WDR35: variants seen among roughly 807,000 people sequenced by gnomAD.
The protein encoded by WDR35 is WD repeat domain 35, also known as WD repeat-containing protein 35.
A neutral mutation model predicts 158.3 loss-of-function variants in WDR35; 118 were observed. That is an observed-to-expected ratio of 0.75 (90% CI 0.64 to 0.87). WDR35 has a LOEUF of 0.87. Ranked by LOEUF, WDR35 falls within the 40% of genes least tolerant of loss-of-function variation. WDR35 has a pLI of 0.00. For missense variants in WDR35, 1,263 were observed against 1,405.8 expected (o/e 0.90, Z 1.62); for synonymous variants, 448 against 476.1 (o/e 0.94, Z 0.77).
Position 19,978,786 on chromosome 2 carries a change from T to A in WDR35, c.401A>T (p.Tyr134Phe). 6.2e-7 allele frequency: 1 copy of A among 1,613,892 alleles called. No individual in the cohort carries two copies. The highest frequency in any genetic ancestry group is 2.2e-5 in the East Asian group (1 of 44,834). Residue 134 changes from tyrosine to phenylalanine, a missense_variant, in exon 5 of 27, where the codon TAT (tyrosine) becomes TTT (phenylalanine). Tyr to Phe is a conservative substitution (Grantham distance 22, BLOSUM62 3). Transcript: ENST00000281405. ...ACCAACTATCACAGCCCCATCTTCA[T>A]ATACAATGCAGATCTTCTGTCCGTC... is the stretch of plus-strand genomic sequence containing the variant. ...NADGQKICIV[Y>F]EDGAVIVGSV...
intron 4 of WDR35, 92 bp downstream of exon 4, chr2:19,980,599 G>T (rs1672352534): frequency 1.0e-6 from 1 of 997,156 alleles, no homozygotes; most frequent in Admixed American, 1.8e-5. Context: ...AGTAAAAGGG[G>T]TCTATTTTGG....
chr2:19,927,367 G>A (rs962698496), intron 25 of WDR35, among the ~76,000 whole-genome samples: 13 of 152,140 alleles, frequency 8.5e-5, no homozygotes, highest in African/African-American at 2.7e-4. Context: ...TTGCAGAACA[G>A]GCAGAGGTGC....
In WDR35 at chr2:19,914,175, T is replaced by C. The variant is rs1669923305; in HGVS notation, c.3224A>G (p.Lys1075Arg). The C allele has an allele frequency of 6.2e-7, 1 of 1,614,068 alleles. No individual in the cohort carries two copies. Among genetic ancestry groups the C allele is most frequent in the Non-Finnish European group, 8.5e-7 (1 of 1,180,020 alleles). ...CASRAFGTCS[K>R]AFIKLKSLET... is the part of the protein sequence containing the mutation. ...TAAAGATTTAAGTTTAATGAAAGCT[T>C]TTGAACAAGTCCCAAAGGCTCTGCT... is the stretch of plus-strand genomic sequence containing the variant. The change falls in exon 26 of 27, where the codon AAA (lysine) becomes AGA (arginine). Residue 1075 changes from lysine (K) to arginine (R), a missense_variant. Lys to Arg is a conservative substitution (Grantham distance 26). Coordinates refer to ENST00000281405, the MANE Select transcript of WDR35 (RefSeq NM_020779.4).
At chr2:19,955,726 G>A (rs1671406635) in intron 11 of WDR35, among the ~76,000 whole-genome samples, 1 of 152,130 alleles carries the variant, frequency 6.6e-6, no homozygotes, top group African/African-American at 2.4e-5. Flanking sequence ...TTACTAGGAG[G>A]TACCATTTAT....
At chr2:19,953,031 A>G (rs1335113726) in intron 12 of WDR35, among the ~76,000 whole-genome samples, 1 of 152,098 alleles carries the variant, frequency 6.6e-6, no homozygotes, top group African/African-American at 2.4e-5. Flanking sequence ...TAATGATTTG[A>G]AAAAACACCT....
rs947201612 is a variant in WDR35, at chr2:19,911,601, G to A, written c.*1957C>T. On this transcript the variant is annotated 3_prime_UTR_variant, in exon 27 of 27. Transcript: ENST00000281405. ...TGGTATAGAACAAATGAGAAAGCTG[G>A]AATTCATTGTGTTACATTTAGGTAA... 7 of 152,198 alleles carry A rather than the reference G, an allele frequency of 4.6e-5. No individual in the cohort carries two copies. The highest frequency in any genetic ancestry group is 8.8e-5 in the Non-Finnish European group (6 of 68,046). The allele number at this position is 152,198 out of a possible 1,614,324, so 9.4% of individuals were successfully genotyped here.
In WDR35 at chr2:19,930,443, G is replaced by A; in HGVS notation, c.3074C>T (p.Ala1025Val). 1 of 1,614,102 alleles carries A rather than the reference G, an allele frequency of 6.2e-7. No individual in the cohort carries two copies. Among genetic ancestry groups the A allele is most frequent in the Non-Finnish European group, 8.5e-7 (1 of 1,180,006 alleles). ...ACATCCCTCATAGAGCTGCCTCTGTGCAAGTATAAAGAAGTGGTAAGCCTC... is the reference window on the plus strand; with the variant it reads ...ACATCCCTCATAGAGCTGCCTCTGTACAAGTATAAAGAAGTGGTAAGCCTC... ...GAEAYHFFIL[A>V]QRQLYEGCVD... Residue 1025 changes from alanine (A) to valine (V), a missense_variant, in exon 25 of 27, where the codon GCA becomes GTA. Ala to Val is a moderately conservative substitution (Grantham distance 64, BLOSUM62 0). Coordinates refer to ENST00000281405, the MANE Select transcript of WDR35 (RefSeq NM_020779.4).
intron 16 of WDR35, among the ~76,000 whole-genome samples, chr2:19,944,699 T>A (rs563422652): frequency 6.6e-6 from 1 of 152,258 alleles, no homozygotes; most frequent in Non-Finnish European, 1.5e-5. Flanking sequence ...ACAAAGATCC[T>A]AAGACTTGCA....
At chr2:19,963,539 C>A (rs1246431791) in intron 10 of WDR35, among the ~76,000 whole-genome samples, 1 of 152,140 alleles carries the variant, frequency 6.6e-6, no homozygotes, top group Non-Finnish European at 1.5e-5. Context: ...ACTCACTGGA[C>A]ACACTGCACC....
Position 19,978,766 on chromosome 2 carries a change from C to T in WDR35, c.421G>A (p.Val141Ile), listed in dbSNP as rs552378237. Reference protein sequence around the residue: ...CIVYEDGAVIVGSVDGNRIWG... With the variant: ...CIVYEDGAVIIGSVDGNRIWG... The stretch of plus-strand genomic sequence containing the variant: ...AATACATTACCATCCACTGAACCAA[C>T]TATCACAGCCCCATCTTCATATACA... Residue 141 changes from valine (V) to isoleucine (I), a missense_variant, in exon 5 of 27, where the codon GTT becomes ATT. Coordinates refer to ENST00000281405, the MANE Select transcript of WDR35 (RefSeq NM_020779.4). The T allele has an allele frequency of 6.2e-7, 1 of 1,613,862 alleles. No individual in the cohort carries two copies. The highest frequency in any genetic ancestry group is 2.2e-5 in the East Asian group (1 of 44,834).
chr2:19,920,353 C>T (rs1487158719), intron 25 of WDR35, among the ~76,000 whole-genome samples: 1 of 152,172 alleles, frequency 6.6e-6, no homozygotes, highest in African/African-American at 2.4e-5. Context: ...CAAACCAAAT[C>T]CAGCAGTGCA....
intron 2 of WDR35, among the ~76,000 whole-genome samples, chr2:19,983,863 AT>A: frequency 6.6e-6 from 1 of 151,928 alleles, no homozygotes. Context: ...GCTGAACATA[AT>A]TTTTTTTAAC....
chr2:19,989,351 T>A (rs1672674096), intron 1 of WDR35, 69 bp from the exon 2 acceptor site: 2 of 1,338,332 alleles, frequency 1.5e-6, no homozygotes, highest in African/African-American at 1.4e-5. Context: ...CTGCAGGAGA[T>A]GAAAGCTGAA....
chr2:19,913,650 A>G lies in WDR35; in HGVS notation c.3421T>C (p.Phe1141Leu), dbSNP rs374846749. 14 of 1,614,122 alleles carry G rather than the reference A, an allele frequency of 8.7e-6. No individual in the cohort carries two copies. Among genetic ancestry groups the G allele is most frequent in the Non-Finnish European group, 8.5e-6 (10 of 1,179,978 alleles). Residue 1141 changes from phenylalanine (F) to leucine (L), a missense_variant, in exon 27 of 27, where the codon TTC becomes CTC. By Grantham distance (22) the Phe-to-Leu change is conservative (BLOSUM62 0). Coordinates refer to ENST00000281405, the MANE Select transcript of WDR35 (RefSeq NM_020779.4). ...TGTTTGCATACACTGCACATCCAGA[A>G]TTGATACTCAGTGATTGGGCTTCCT... ...ATGSPITEYQ[F>L]WMCSVCKHGV...
chr2:19,914,953 G>A (rs531763890), intron 25 of WDR35, among the ~76,000 whole-genome samples: 1 of 152,078 alleles, frequency 6.6e-6, no homozygotes, highest in East Asian at 1.9e-4. Context: ...GGGGGCTAGG[G>A]GAGGGATAGC....
intron 16 of WDR35, 55 bp downstream of exon 16, chr2:19,945,730 GT>G: frequency 6.3e-7 from 1 of 1,594,296 alleles, no homozygotes. Context: ...AATCATCCAG[GT>G]TTTTATATTT....
chr2:19,987,810 C>A (rs917395464), intron 2 of WDR35, among the ~76,000 whole-genome samples: 10 of 114,672 alleles, frequency 8.7e-5, no homozygotes, highest in Non-Finnish European at 1.3e-4. Context: ...GGCAACAGAG[C>A]GAAACTCTGT....
Position 19,911,241 on chromosome 2 carries a change from C to T in WDR35, c.*2317G>A, listed in dbSNP as rs1354367148. On this transcript the variant is annotated 3_prime_UTR_variant, in exon 27 of 27. Coordinates refer to ENST00000281405, the MANE Select transcript of WDR35 (RefSeq NM_020779.4). ...GCAAATGAAAGTGCAACCAACAAAT[C>T]ACAGTAAGGGGCTAGAGGCATGACA... 1 of 152,174 alleles carries T rather than the reference C, an allele frequency of 6.6e-6. No individual in the cohort carries two copies. The highest frequency in any genetic ancestry group is 1.5e-5 in the Non-Finnish European group (1 of 68,042). 9.4% of individuals were successfully genotyped at this position (152,174 alleles called of 1,614,324 possible).
chr2:19,989,113 C>A, intron 2 of WDR35, 52 bp downstream of exon 2: 4 of 1,526,846 alleles, frequency 2.6e-6, no homozygotes, highest in Non-Finnish European at 3.6e-6. Flanking sequence ...CCGCACTGAA[C>A]AAATAACATT....
Sources: allele counts gnomAD v4.1 joint callset (sites outside exome capture counted in the v4.1 genomes callset), GRCh38; gene constraint gnomAD v4.1.1; transcripts MANE v1.5; gene names NCBI Gene and HGNC (gene_info 2026-07-23, HGNC 2026-07-21).